DIPK1A: variants seen among roughly 807,000 people sequenced by gnomAD.
DIPK1A encodes divergent protein kinase domain 1A.
In DIPK1A, 27 loss-of-function variants were observed where a neutral mutation model predicts 40.8. The observed-to-expected ratio is 0.66, with a 90% CI of 0.49 to 0.91. DIPK1A has a LOEUF of 0.91. Among genes scored for constraint, DIPK1A ranks in the 40% least tolerant of loss-of-function variants. The pLI, the probability that DIPK1A is intolerant of heterozygous loss-of-function variation, is 0.00. For missense variants in DIPK1A, 412 were observed against 505.7 expected (o/e 0.81, Z 1.78); for synonymous variants, 166 against 171.3 (o/e 0.97, Z 0.24).
In DIPK1A at chr1:92,876,382, C is replaced by T; in HGVS notation, c.103G>A (p.Val35Met). The T allele has an allele frequency of 6.2e-7, 1 of 1,613,452 alleles. No individual in the cohort carries two copies. Among genetic ancestry groups the T allele is most frequent in the Non-Finnish European group, 8.5e-7 (1 of 1,179,568 alleles). ...RMKYLFFSWL[V>M]VFVGSWIIYV... is the part of the protein sequence containing the mutation. ...ATAATCCAGCTTCCAACAAAAACCA[C>T]TAACCAGGAAAAGAAAAGATATTTC... is the stretch of plus-strand genomic sequence containing the variant. Residue 35 changes from valine to methionine, a missense_variant, in exon 2 of 5, where the codon GTG becomes ATG. Val to Met is a conservative substitution (Grantham distance 21). Coordinates refer to ENST00000370310, the MANE Select transcript of DIPK1A (RefSeq NM_001006605.5).
chr1:92,845,138 G>A (rs370233017), intron 4 of DIPK1A, among the ~76,000 whole-genome samples: 2 of 150,934 alleles, frequency 1.3e-5, no homozygotes, highest in South Asian at 2.1e-4. Flanking sequence ...TAGTAGAGAC[G>A]GGGTTTCACC....
At chr1:92,856,306 A>G (rs182052700) in intron 2 of DIPK1A, among the ~76,000 whole-genome samples, 4 of 149,302 alleles carry the variant, frequency 2.7e-5, no homozygotes, top group Admixed American at 2.6e-4. Context: ...ACAAACAAAA[A>G]AGCTGAATTA....
chr1:92,938,741 G>GT (rs1651041880), intron 1 of DIPK1A, among the ~76,000 whole-genome samples: 2 of 152,044 alleles, frequency 1.3e-5, no homozygotes, highest in Admixed American at 1.3e-4. Context: ...TATTAGGGAG[G>GT]TAAGAAAAAA....
At chr1:92,901,920 GTT>G (rs1424541624) in intron 1 of DIPK1A, among the ~76,000 whole-genome samples, 1 of 152,088 alleles carries the variant, frequency 6.6e-6, no homozygotes, top group Non-Finnish European at 1.5e-5. Context: ...CCACTGCTCT[GTT>G]TCCCTAGGAC....
intron 1 of DIPK1A, among the ~76,000 whole-genome samples, chr1:92,901,868 AC>A (rs1649426191): frequency 6.6e-6 from 1 of 152,124 alleles, no homozygotes; most frequent in Admixed American, 6.5e-5. Context: ...GAAGCAGGGT[AC>A]TAAAGTTGTC....
At chr1:92,891,907 T>C (rs938310273) in intron 1 of DIPK1A, among the ~76,000 whole-genome samples, 5 of 152,158 alleles carry the variant, frequency 3.3e-5, no homozygotes, top group Non-Finnish European at 5.9e-5. Context: ...GCCTCGCTCA[T>C]TGCTAGCACA....
chr1:92,897,012 C>T (rs531705997), intron 1 of DIPK1A, among the ~76,000 whole-genome samples: 5 of 151,890 alleles, frequency 3.3e-5, no homozygotes, highest in Admixed American at 6.6e-5. Flanking sequence ...ACAACAGGTG[C>T]TGGAGAGGAT....
chr1:92,949,324 G>A (rs1651536365), intron 1 of DIPK1A, among the ~76,000 whole-genome samples: 1 of 151,666 alleles, frequency 6.6e-6, no homozygotes, highest in Non-Finnish European at 1.5e-5. Flanking sequence ...GCCCAGGCTG[G>A]AGTGCAATGG....
At chr1:92,864,039 C>A (rs1239905126) in intron 2 of DIPK1A, among the ~76,000 whole-genome samples, 1 of 151,910 alleles carries the variant, frequency 6.6e-6, no homozygotes, top group Non-Finnish European at 1.5e-5. Context: ...ATGGGTGACA[C>A]AGCGAGACTC....
At chr1:92,940,136 G>A (rs1651098172) in intron 1 of DIPK1A, among the ~76,000 whole-genome samples, 1 of 152,084 alleles carries the variant, frequency 6.6e-6, no homozygotes, top group African/African-American at 2.4e-5. Flanking sequence ...CTAGAAATAG[G>A]AAATCTGAAA....
At chr1:92,890,300 C>CCTTT (rs976466276) in intron 1 of DIPK1A, among the ~76,000 whole-genome samples, 1 of 152,048 alleles carries the variant, frequency 6.6e-6, no homozygotes, top group Non-Finnish European at 1.5e-5. Context: ...ACTCGAATGC[C>CCTTT]CTTTCTTTCT....
chr1:92,855,783 T>C (rs1687967957), intron 2 of DIPK1A, among the ~76,000 whole-genome samples: 3 of 150,436 alleles, frequency 2.0e-5, no homozygotes, highest in African/African-American at 4.9e-5. Context: ...AAGAAATAAA[T>C]GGAAAAAAAA....
chr1:92,955,166 T>C (rs907562179), intron 1 of DIPK1A, among the ~76,000 whole-genome samples: 2 of 152,106 alleles, frequency 1.3e-5, no homozygotes, highest in African/African-American at 4.8e-5. Context: ...TAAAGACCAG[T>C]GGCTTTTGGG....
At chr1:92,958,672 T>C (rs749771637) in intron 1 of DIPK1A, among the ~76,000 whole-genome samples, 3 of 152,234 alleles carry the variant, frequency 2.0e-5, no homozygotes, top group Non-Finnish European at 4.4e-5. Flanking sequence ...TTCTAAGACA[T>C]TCTTTCAAAA....
At chr1:92,880,724 G>A (rs1328515332) in intron 1 of DIPK1A, among the ~76,000 whole-genome samples, 2 of 151,848 alleles carry the variant, frequency 1.3e-5, no homozygotes, top group Non-Finnish European at 2.9e-5. Flanking sequence ...AAAAAAATTG[G>A]CTGGGCGTGG....
downstream of DIPK1A, among the ~76,000 whole-genome samples, chr1:92,840,008 ATTTT>A (rs111307161): frequency 1.4e-5 from 2 of 138,304 alleles, no homozygotes; most frequent in Non-Finnish European, 3.2e-5. Flanking sequence ...TGCCCTGCTA[ATTTT>A]TTTTTTTTTT....
chr1:92,865,085 A>G (rs1553126133), intron 2 of DIPK1A, among the ~76,000 whole-genome samples: 3 of 149,868 alleles, frequency 2.0e-5, no homozygotes, highest in Admixed American at 6.7e-5. Context: ...TATATAGCCA[A>G]GAACATTGAC....
intron 1 of DIPK1A, among the ~76,000 whole-genome samples, chr1:92,882,598 C>G (rs1648428630): frequency 6.6e-6 from 1 of 152,310 alleles, no homozygotes; most frequent in Admixed American, 6.5e-5. Context: ...CGACTTGCAT[C>G]CTTCTCTTAG....
At chr1:92,914,263 A>G (rs1649953882) in intron 1 of DIPK1A, among the ~76,000 whole-genome samples, 1 of 152,020 alleles carries the variant, frequency 6.6e-6, no homozygotes, top group South Asian at 2.1e-4. Context: ...TTAAAAATGT[A>G]ACAGTGGGGA....
Sources: allele counts gnomAD v4.1 joint callset (sites outside exome capture counted in the v4.1 genomes callset), GRCh38; gene constraint gnomAD v4.1.1; transcripts MANE v1.5; gene names NCBI Gene and HGNC (gene_info 2026-07-23, HGNC 2026-07-21).